The following TIPIN variants were observed in gnomAD, a reference collection of about 807,000 sequenced individuals.
TIPIN encodes TIMELESS-interacting protein.
Under a neutral mutation model 35.6 loss-of-function variants are expected in TIPIN, and 29 were observed. That is an observed-to-expected ratio of 0.82 (90% CI 0.61 to 1.11). The LOEUF (loss-of-function observed/expected upper bound fraction) is 1.11. Ranked by LOEUF, TIPIN falls within the 50% of genes most tolerant of loss-of-function variation. The pLI, the probability that TIPIN is intolerant of heterozygous loss-of-function variation, is 0.00. For synonymous variants in TIPIN, 102 were observed against 121.5 expected, an observed-to-expected ratio of 0.84 and a Z score of 1.06; for missense variants, 296 against 345.4, an observed-to-expected ratio of 0.86 and a Z score of 1.13.
At chr15:66,337,786 A>AAAAAAATAAAAT (rs2093055915) in intron 7 of TIPIN, among the ~76,000 whole-genome samples, 1 of 146,554 alleles carries the variant, frequency 6.8e-6, no homozygotes, top group African/African-American at 2.5e-5. Context: ...AAAATAAAAA[A>AAAAAAATAAAAT]AAAAATAATT....
intron 1 of TIPIN, among the ~76,000 whole-genome samples, chr15:66,364,270 A>C (rs1466086682): frequency 2.0e-5 from 3 of 148,280 alleles, no homozygotes; most frequent in African/African-American, 7.5e-5. Context: ...AGTTCAAGCA[A>C]TTCTCCTGTC....
chr15:66,337,249 CCT>C, intron 7 of TIPIN, 68 bp from the exon 8 acceptor site: 1 of 1,282,662 alleles, frequency 7.8e-7, no homozygotes, highest in South Asian at 1.5e-5. Context: ...TGAGTACAAA[CCT>C]CTTCAAAAGC....
At chr15:66,363,992 C>A (rs1191780836) in intron 1 of TIPIN, among the ~76,000 whole-genome samples, 1 of 150,694 alleles carries the variant, frequency 6.6e-6, no homozygotes, top group Non-Finnish European at 1.5e-5. Flanking sequence ...CAAAAAAAAA[C>A]AAAAAACAAA....
At chr15:66,370,115 G>A (rs1321124536) in intron 1 of TIPIN, among the ~76,000 whole-genome samples, 1 of 152,108 alleles carries the variant, frequency 6.6e-6, no homozygotes, top group South Asian at 2.1e-4. Context: ...AGGAAGTCAC[G>A]ACTTCCTTCT....
chr15:66,362,580 G>T (rs2093236322), intron 1 of TIPIN, among the ~76,000 whole-genome samples: 1 of 152,046 alleles, frequency 6.6e-6, no homozygotes, highest in South Asian at 2.1e-4. Context: ...AATTAGCCAG[G>T]TCTGGTGGCA....
At chr15:66,383,524 A>G in intron 1 of TIPIN, 1 of 946,360 alleles carries the variant, frequency 1.1e-6, no homozygotes, top group South Asian at 4.9e-5. Flanking sequence ...TCAGCCTCCC[A>G]AAGTGCTGGG....
chr15:66,357,232 C>T (rs1404881333), upstream of TIPIN, among the ~76,000 whole-genome samples: 1 of 151,748 alleles, frequency 6.6e-6, no homozygotes, highest in East Asian at 1.9e-4. Flanking sequence ...GCACTTTAAA[C>T]CTTGGAAATA....
chr15:66,350,322 T>C (rs2093158576), intron 4 of TIPIN, among the ~76,000 whole-genome samples: 2 of 152,114 alleles, frequency 1.3e-5, no homozygotes, highest in African/African-American at 4.8e-5. Context: ...CTTAATAAAG[T>C]TGGCCAGGCG....
intron 1 of TIPIN, among the ~76,000 whole-genome samples, chr15:66,374,487 G>A (rs906391891): frequency 1.6e-4 from 24 of 151,982 alleles, no homozygotes; most frequent in African/African-American, 5.6e-4. Context: ...TTCGCTCACT[G>A]CAACCTCTGC....
At chr15:66,376,931 A>G (rs1377039421) in intron 1 of TIPIN, among the ~76,000 whole-genome samples, 2 of 151,478 alleles carry the variant, frequency 1.3e-5, no homozygotes, top group African/African-American at 4.8e-5. Flanking sequence ...CAAAATGGTG[A>G]AACCCCATCT....
rs2093169268 is a variant in TIPIN, at chr15:66,351,700, C to T, written c.213-100G>A. 8 of 958,686 alleles carry T rather than the reference C, an allele frequency of 8.3e-6. No homozygotes were observed. The African/African-American group carries it at 8.5e-5, about 10-fold the overall frequency. 59.4% of individuals were successfully genotyped at this position (958,686 alleles called of 1,614,324 possible). ...TCGCCCAGGCTGGGATGCGGTGGCGCGATCTCGGGTCACTGCAAGCTCGGC... is the reference window on the plus strand; with the variant it reads ...TCGCCCAGGCTGGGATGCGGTGGCGTGATCTCGGGTCACTGCAAGCTCGGC... On this transcript the variant is annotated intron_variant, in intron 3 of 7. Coordinates refer to ENST00000261881, the MANE Select transcript of TIPIN (RefSeq NM_017858.3).
At chr15:66,366,077 T>C (rs756702116) in intron 1 of TIPIN, among the ~76,000 whole-genome samples, 11 of 151,482 alleles carry the variant, frequency 7.3e-5, no homozygotes, top group Non-Finnish European at 1.5e-5. Context: ...TCTTGTTAAG[T>C]GGTGGAGTAT....
upstream of TIPIN, among the ~76,000 whole-genome samples, chr15:66,358,561 G>C (rs570783745): frequency 2.6e-5 from 4 of 151,680 alleles, no homozygotes; most frequent in Admixed American, 1.3e-4. Flanking sequence ...CTACAGGCTC[G>C]CACCACCACA....
intron 7 of TIPIN, among the ~76,000 whole-genome samples, chr15:66,337,774 AT>A (rs201815385): frequency 0.15 from 7,446 of 50,056 alleles, 215 homozygotes; most frequent in Non-Finnish European, 0.22. Flanking sequence ...ATCAAAAAAA[AT>A]AAAATAAAAA....
At chr15:66,377,938 T>G (rs1566987612) in intron 1 of TIPIN, among the ~76,000 whole-genome samples, 1 of 152,154 alleles carries the variant, frequency 6.6e-6, no homozygotes, top group Admixed American at 6.6e-5. Context: ...CTCTGTCTCC[T>G]GGGTTCAAGC....
intron 1 of TIPIN, among the ~76,000 whole-genome samples, chr15:66,373,492 CAAA>C (rs543674595): frequency 1.2e-4 from 9 of 74,846 alleles, no homozygotes; most frequent in Admixed American, 3.2e-4. Flanking sequence ...GACTCCGTCT[CAAA>C]AAAAAAAAAA....
chr15:66,350,343 C>T (rs937200970), intron 4 of TIPIN, among the ~76,000 whole-genome samples: 3 of 152,108 alleles, frequency 2.0e-5, no homozygotes, highest in African/African-American at 7.2e-5. Context: ...CAGTGTCTCA[C>T]GCCTGTAATC....
rs1407278844 is a variant in TIPIN, at chr15:66,356,634, C to G, written c.-9+5G>C. The G allele has an allele frequency of 1.1e-6, 1 of 919,144 alleles. No homozygotes were observed. The highest frequency in any genetic ancestry group is 1.2e-4 in the Admixed American group (1 of 8,340). The allele number at this position is 919,144 out of a possible 1,614,324, so 56.9% of individuals were successfully genotyped here. A position where few individuals can be genotyped will look rare whatever the true frequency, so the allele number is the denominator to read the frequency against. ...AACTTCATTGGCCCGCCAGCCAGCT[C>G]TCACCTCACGCAGAAAACACGGGAC... On this transcript the variant is annotated splice_donor_5th_base_variant and intron_variant, in intron 1 of 7. Transcript: ENST00000261881.
intron 1 of TIPIN, among the ~76,000 whole-genome samples, chr15:66,355,670 G>A (rs938227292): frequency 1.3e-5 from 2 of 152,102 alleles, no homozygotes; most frequent in African/African-American, 4.8e-5. Context: ...AGAATCATTT[G>A]AACCCAGGAG....
Sources: allele counts gnomAD v4.1 joint callset (sites outside exome capture counted in the v4.1 genomes callset), GRCh38; gene constraint gnomAD v4.1.1; transcripts MANE v1.5; gene names NCBI Gene and HGNC (gene_info 2026-07-23, HGNC 2026-07-21).